The following PALLD variants were observed in gnomAD, a reference collection of about 807,000 sequenced individuals.
The protein encoded by PALLD is palladin.
Under a neutral mutation model 123.5 loss-of-function variants are expected in PALLD, and 61 were observed. The observed-to-expected ratio is 0.49, with a 90% CI of 0.40 to 0.61. The LOEUF is 0.61. PALLD is among the 20% of genes least tolerant of loss of function. The pLI is 0.00. For synonymous variants in PALLD, 465 were observed against 496.4 expected, an observed-to-expected ratio of 0.94 and a Z score of 0.84; for missense variants, 1,273 against 1,377.0, an observed-to-expected ratio of 0.92 and a Z score of 1.20.
chr4:168,671,346 C>A (rs1780257253), intron 3 of PALLD, among the ~76,000 whole-genome samples: 1 of 152,194 alleles, frequency 6.6e-6, no homozygotes, highest in Non-Finnish European at 1.5e-5. Context: ...AAGTATCCCT[C>A]TAGTTCTATA....
At chr4:168,789,832 G>A (rs867811101) in intron 10 of PALLD, among the ~76,000 whole-genome samples, 1 of 152,188 alleles carries the variant, frequency 6.6e-6, no homozygotes, top group Middle Eastern at 3.4e-3. Context: ...TTACCCTGCA[G>A]TCAGACAATT....
At chr4:168,623,595 A>C (rs1236488868) in intron 2 of PALLD, among the ~76,000 whole-genome samples, 1 of 152,206 alleles carries the variant, frequency 6.6e-6, no homozygotes, top group Non-Finnish European at 1.5e-5. Context: ...TAACAGAAGG[A>C]AGCCCTGTAC....
At chr4:168,604,994 T>G (rs1452913202) in intron 2 of PALLD, among the ~76,000 whole-genome samples, 1 of 152,194 alleles carries the variant, frequency 6.6e-6, no homozygotes, top group African/African-American at 2.4e-5. Flanking sequence ...CAAAGCAAGT[T>G]TGCTTTTTTG....
At chr4:168,522,916 T>C (rs1043414417) in intron 2 of PALLD, among the ~76,000 whole-genome samples, 2 of 152,158 alleles carry the variant, frequency 1.3e-5, no homozygotes, top group South Asian at 2.1e-4. Flanking sequence ...ATAATACTAA[T>C]TGCAAGTGAA....
intron 2 of PALLD, among the ~76,000 whole-genome samples, chr4:168,521,231 T>A (rs1435930252): frequency 6.6e-6 from 1 of 151,926 alleles, no homozygotes; most frequent in African/African-American, 2.4e-5. Context: ...CTTCAGATAA[T>A]CCCTTTAGAA....
intron 2 of PALLD, among the ~76,000 whole-genome samples, chr4:168,519,774 T>C (rs1022646100): frequency 6.6e-6 from 1 of 152,180 alleles, no homozygotes; most frequent in Non-Finnish European, 1.5e-5. Flanking sequence ...ACCAACCCAA[T>C]TGCCTCTCCT....
chr4:168,882,290 C>T (rs79345032), intron 10 of PALLD, among the ~76,000 whole-genome samples: 17 of 152,306 alleles, frequency 1.1e-4, no homozygotes, highest in African/African-American at 4.1e-4. Flanking sequence ...CGGGATTTCC[C>T]AGGGTTCTGG....
At chr4:168,675,835 C>T (rs1225713850) in intron 3 of PALLD, among the ~76,000 whole-genome samples, 1 of 152,106 alleles carries the variant, frequency 6.6e-6, no homozygotes, top group Non-Finnish European at 1.5e-5. Flanking sequence ...GCAGAAAAAT[C>T]ACTTAGTCCA....
chr4:168,631,503 G>C, intron 2 of PALLD: 3 of 583,174 alleles, frequency 5.1e-6, no homozygotes, highest in Non-Finnish European at 6.5e-6. Context: ...AGTGAAGGGA[G>C]TTATTTCTGG....
intron 2 of PALLD, among the ~76,000 whole-genome samples, chr4:168,549,265 CA>C (rs35293161): frequency 0.6 from 86,980 of 144,906 alleles, 25,509 homozygotes; most frequent in East Asian, 0.77. Flanking sequence ...TCACACTTCT[CA>C]AAAAAAAAAA....
chr4:168,716,171 C>T (rs1047326033), intron 10 of PALLD, among the ~76,000 whole-genome samples: 3 of 152,116 alleles, frequency 2.0e-5, no homozygotes, highest in African/African-American at 7.2e-5. Context: ...TTTTTATCTT[C>T]TTCCTTTGTC....
At chr4:168,582,263 T>G (rs1770363077) in intron 2 of PALLD, among the ~76,000 whole-genome samples, 1 of 152,174 alleles carries the variant, frequency 6.6e-6, no homozygotes, top group African/African-American at 2.4e-5. Context: ...TCTTAATTTC[T>G]TTTTCATATA....
At position 168,869,303 on chromosome 4, in the gene PALLD, G is replaced by A. The variant is rs919897710; in HGVS notation, c.1965-21619G>A. On this transcript the variant is annotated intron_variant, in intron 10 of 21. Transcript: ENST00000505667. This position sits in a 1 kb window ranked among gnomAD's most constrained non-coding sequence, Gnocchi z 4.5. ...AAGAAGATAGAACACATCTGGCTCT[G>A]GGCGATCTGGGCTGGTGTGTGAGAT... Among the ~76,000 whole-genome samples, 1 of 152,140 alleles carries A rather than the reference G, an allele frequency of 6.6e-6. No individual in the cohort carries two copies.
At chr4:168,878,236 G>T in intron 10 of PALLD, 1 of 1,392,556 alleles carries the variant, frequency 7.2e-7, no homozygotes, top group African/African-American at 1.6e-5. Flanking sequence ...CGCCACCACC[G>T]CCGCTCCCGA....
intron 10 of PALLD, among the ~76,000 whole-genome samples, chr4:168,715,060 T>A (rs1201567125): frequency 1.3e-5 from 2 of 151,926 alleles, no homozygotes; most frequent in Non-Finnish European, 2.9e-5. Flanking sequence ...TCCAGCCGAG[T>A]CTGTGGTACC....
At chr4:168,739,014 A>G (rs371051723) in intron 10 of PALLD, among the ~76,000 whole-genome samples, 47 of 152,292 alleles carry the variant, frequency 3.1e-4, no homozygotes, top group African/African-American at 1.1e-3. Flanking sequence ...GTATGAGTGG[A>G]ACATGCAATA....
chr4:168,877,517 T>C (rs1283749962), intron 10 of PALLD, among the ~76,000 whole-genome samples: 4 of 152,164 alleles, frequency 2.6e-5, no homozygotes. Context: ...GAGAGTGAAA[T>C]GGGCGAGCAT....
At chr4:168,771,286 TGCAAGCCTAATATTCAAA>T (rs1734403295) in intron 10 of PALLD, among the ~76,000 whole-genome samples, 1 of 152,238 alleles carries the variant, frequency 6.6e-6, no homozygotes, top group Non-Finnish European at 1.5e-5. Context: ...TGCAGAGTTA[TGCAAGCCTAATATTCAAA>T]GCATGACATA....
chr4:168,834,362 G>A (rs1429634181), intron 10 of PALLD, among the ~76,000 whole-genome samples: 1 of 152,116 alleles, frequency 6.6e-6, no homozygotes, highest in Admixed American at 6.5e-5. Flanking sequence ...ATAAACAGGT[G>A]TCCTACTCAT....
Sources: allele counts gnomAD v4.1 joint callset (sites outside exome capture counted in the v4.1 genomes callset), GRCh38; gene constraint gnomAD v4.1.1; non-coding constraint Gnocchi (gnomAD v3.1); transcripts MANE v1.5; gene names NCBI Gene and HGNC (gene_info 2026-07-23, HGNC 2026-07-21).